The following MAP3K5 variants were observed in gnomAD, a reference collection of about 807,000 sequenced individuals.
MAP3K5 encodes ASK-1.
Under a neutral mutation model 158.7 loss-of-function variants are expected in MAP3K5, and 56 were observed. That is an observed-to-expected ratio of 0.35 (90% confidence interval 0.28 to 0.44). The LOEUF (loss-of-function observed/expected upper bound fraction) is 0.44. MAP3K5 is among the 20% of genes least tolerant of loss of function. MAP3K5 has a pLI of 1.00. For synonymous variants in MAP3K5, 579 were observed against 601.7 expected (o/e 0.96, Z 0.55); for missense variants, 1,294 against 1,674.8 (o/e 0.77, Z 3.97).
intron 1 of MAP3K5, among the ~76,000 whole-genome samples, chr6:136,746,023 G>A (rs1782939237): frequency 6.6e-6 from 1 of 152,200 alleles, no homozygotes; most frequent in South Asian, 2.1e-4. Flanking sequence ...GAAGCAGGAA[G>A]ACTAGTTAGG....
intron 7 of MAP3K5, among the ~76,000 whole-genome samples, chr6:136,692,071 C>CTTTTTTTTT (rs201011698): frequency 6.7e-6 from 1 of 149,536 alleles, no homozygotes; most frequent in African/African-American, 2.5e-5. Flanking sequence ...TCTTTTTTTT[C>CTTTTTTTTT]TTTTTTTCTT....
chr6:136,713,229 C>T (rs569918200), intron 2 of MAP3K5, among the ~76,000 whole-genome samples: 28 of 152,274 alleles, frequency 1.8e-4, no homozygotes, highest in African/African-American at 6.3e-4. Context: ...TATTCAAAAT[C>T]ATAGGCCTAC....
intron 8 of MAP3K5, among the ~76,000 whole-genome samples, chr6:136,664,445 C>T (rs756387372): frequency 1.3e-5 from 2 of 152,138 alleles, no homozygotes; most frequent in Non-Finnish European, 2.9e-5. Context: ...GAACCACCCC[C>T]CACCCCTGGT....
At chr6:136,700,519 A>G (rs1248895860) in intron 3 of MAP3K5, among the ~76,000 whole-genome samples, 1 of 152,256 alleles carries the variant, frequency 6.6e-6, no homozygotes, top group African/African-American at 2.4e-5. Flanking sequence ...TTATGAACAC[A>G]TGCCTCTTCA....
intron 1 of MAP3K5, among the ~76,000 whole-genome samples, chr6:136,734,421 GAAAAAAA>G (rs1016817563): frequency 5.3e-5 from 3 of 56,738 alleles, no homozygotes; most frequent in South Asian, 8.4e-4. Context: ...CTCTGTCTCG[GAAAAAAA>G]AAAAAAAAAA....
chr6:136,636,896 C>T, intron 14 of MAP3K5: 1 of 994,402 alleles, frequency 1.0e-6, no homozygotes, highest in South Asian at 4.6e-5. Context: ...GTTATTCCCT[C>T]CTCTCTTAAT....
intron 19 of MAP3K5, among the ~76,000 whole-genome samples, chr6:136,604,027 C>G (rs1398094977): frequency 5.3e-5 from 8 of 152,120 alleles, no homozygotes. Context: ...CAATTACCAT[C>G]AAAAGTCCTC....
chr6:136,589,941 A>C (rs754647349), intron 23 of MAP3K5, among the ~76,000 whole-genome samples: 18 of 152,206 alleles, frequency 1.2e-4, no homozygotes, highest in Non-Finnish European at 2.6e-4. Context: ...TTGTCCTGTC[A>C]AAATTCATGT....
chr6:136,783,906 A>G (rs1784729415), intron 1 of MAP3K5, among the ~76,000 whole-genome samples: 1 of 152,088 alleles, frequency 6.6e-6, no homozygotes, highest in Non-Finnish European at 1.5e-5. Context: ...GTGCTTGTCC[A>G]TCTCCCACTG....
In MAP3K5 at chr6:136,695,969, T is replaced by C; in HGVS notation, c.1064A>G (p.Tyr355Cys). ...LASHHHVKFHYAFALNRRNLP... is the reference protein window; with the variant it reads ...LASHHHVKFHCAFALNRRNLP... ...TTCTTACCTATTCAGTGCAAATGCA[T>C]AATGAAACTTCACATGGTGATGGGA... The change falls in exon 6 of 30, where the codon TAT (tyrosine) becomes TGT (cysteine). Residue 355 changes from tyrosine to cysteine, a missense_variant. By Grantham distance (194) the Tyr-to-Cys change is radical. Transcript: ENST00000359015. The C allele has an allele frequency of 6.2e-7, 1 of 1,612,822 alleles. No individual in the cohort carries two copies.
At chr6:136,668,500 T>C (rs892658835) in intron 8 of MAP3K5, among the ~76,000 whole-genome samples, 1 of 152,202 alleles carries the variant, frequency 6.6e-6, no homozygotes, top group East Asian at 1.9e-4. Context: ...TCTATGTCTG[T>C]AGTAATTCCT....
intron 1 of MAP3K5, among the ~76,000 whole-genome samples, chr6:136,763,261 C>T (rs1783829757): frequency 6.6e-6 from 1 of 152,194 alleles, no homozygotes; most frequent in East Asian, 1.9e-4. Context: ...TGTTTTCCTG[C>T]ATAACTAGTC....
chr6:136,781,774 A>T (rs763640137), intron 1 of MAP3K5, among the ~76,000 whole-genome samples: 5 of 152,242 alleles, frequency 3.3e-5, no homozygotes, highest in Non-Finnish European at 7.3e-5. Context: ...CCTCAGAGTG[A>T]TCAAATTATA....
At chr6:136,726,586 C>T (rs1349506577) in intron 1 of MAP3K5, among the ~76,000 whole-genome samples, 2 of 151,658 alleles carry the variant, frequency 1.3e-5, no homozygotes, top group African/African-American at 4.8e-5. Flanking sequence ...GAGCAAGACT[C>T]TGCCTCAAAA....
intron 3 of MAP3K5, among the ~76,000 whole-genome samples, chr6:136,704,578 C>T (rs1165179263): frequency 2.6e-5 from 4 of 152,164 alleles, no homozygotes; most frequent in Non-Finnish European, 5.9e-5. Context: ...TGTAGTCTCA[C>T]TCTGTCACCC....
At chr6:136,714,352 T>G (rs1049505520) in intron 2 of MAP3K5, among the ~76,000 whole-genome samples, 1 of 152,158 alleles carries the variant, frequency 6.6e-6, no homozygotes, top group Non-Finnish European at 1.5e-5. Flanking sequence ...TTCAAAACTA[T>G]AACCATTTGC....
intron 7 of MAP3K5, among the ~76,000 whole-genome samples, chr6:136,689,565 G>A (rs141135380): frequency 2.5e-4 from 38 of 152,298 alleles, no homozygotes; most frequent in African/African-American, 8.9e-4. Flanking sequence ...CTAATGAAAG[G>A]TGAAAGGCCA....
chr6:136,735,001 C>G (rs1265554019), intron 1 of MAP3K5, among the ~76,000 whole-genome samples: 1 of 152,202 alleles, frequency 6.6e-6, no homozygotes, highest in African/African-American at 2.4e-5. Flanking sequence ...CCTAATCGTC[C>G]TATACCTCTA....
rs773069341 is a variant in MAP3K5, at chr6:136,721,503, A to G, written c.449-914T>C. On this transcript the variant is annotated intron_variant, in intron 1 of 29. Transcript: ENST00000359015. ...AGAAATTTGATATCAAAATTTGACA[A>G]TGTCACAAAAACGAAATTTAGATTA... Among the ~76,000 whole-genome samples the G allele has an allele frequency of 6.6e-5, 10 of 152,248 alleles. No individual in the cohort carries two copies. In the South Asian group the frequency reaches 1.2e-3, roughly 19 times the overall value.
Sources: gnomAD v4.1 joint callset for allele counts (sites outside exome capture counted in the v4.1 genomes callset) on GRCh38, gnomAD v4.1.1 for gene constraint, MANE v1.5 for transcripts, NCBI Gene and HGNC (gene_info 2026-07-23, HGNC 2026-07-21) for gene names.